DDR1: variants seen among roughly 807,000 people sequenced by gnomAD.
DDR1 encodes epithelial discoidin domain-containing receptor 1.
In DDR1, 64 loss-of-function variants were observed where a neutral mutation model predicts 97.4. The ratio of observed to expected loss-of-function variants is 0.66; its 90% CI spans 0.54 to 0.81. DDR1 has a LOEUF of 0.81. Among genes scored for constraint, DDR1 ranks in the 30% least tolerant of loss-of-function variants. The pLI is 0.00. For synonymous variants in DDR1, 458 were observed against 503.7 expected, an observed-to-expected ratio of 0.91 and a Z score of 1.21; for missense variants, 990 against 1,259.6, an observed-to-expected ratio of 0.79 and a Z score of 3.24.
rs949752277 is a variant in DDR1 at position 30,887,581 on chromosome 6, A to G, written c.-42-1107A>G. On this transcript the variant is annotated intron_variant, in intron 1 of 17. Transcript: ENST00000376568. The stretch of plus-strand genomic sequence containing the variant: ...TGCTTTTCATATTCAACAGATATAC[A>G]TGGAAATCACACAAAGTTAGGAATA... 4.6e-5 allele frequency among the ~76,000 whole-genome samples: 7 copies of G among 152,190 alleles called. No individual in the cohort carries two copies. The South Asian group carries it at 1.4e-3, about 32-fold the overall frequency.
rs1227099257 is a variant in DDR1 at position 30,888,433 on chromosome 6, T to C, written c.-42-255T>C. On this transcript the variant is annotated intron_variant, in intron 1 of 17. Transcript: ENST00000376568. The surrounding 1 kb of genome is among the most constrained non-coding windows in gnomAD (Gnocchi z 4.2). Reference sequence around the variant, plus strand: ...ACTGATCTCTGCCCTAGTTTCTTCATGTGTTAAATATGGATAGTAATAGTA... The same window carrying C: ...ACTGATCTCTGCCCTAGTTTCTTCACGTGTTAAATATGGATAGTAATAGTA... 6 of 471,388 alleles carry C rather than the reference T, an allele frequency of 1.3e-5. No individual in the cohort carries two copies. Among genetic ancestry groups the C allele is most frequent in the Non-Finnish European group, 2.2e-5 (6 of 268,672 alleles). The allele number at this position is 471,388 out of a possible 1,614,324, so 29.2% of individuals were successfully genotyped here.
chr6:30,898,116 AT>A lies in DDR1; in HGVS notation c.2261del (p.Met754SerfsTer20). The A allele has an allele frequency of 6.2e-7, 1 of 1,614,262 alleles. No homozygotes were observed. Among genetic ancestry groups the A allele is most frequent in the Non-Finnish European group, 8.5e-7 (1 of 1,180,038 alleles). ...TGTGGCAGCCCAGATCGCCTCCGGC[AT>A]GCGCTATCTGGCCACACTCAACTTT... ...LHVAAQIASGMRYLATLNFVH... is the reference protein window; with the variant it reads ...LHVAAQIASGXRYLATLNFVH... On this transcript the variant is annotated frameshift_variant, in exon 16 of 18. Transcript: ENST00000376568. LOFTEE classifies it high-confidence loss of function.
chr6:30,898,991 A>G lies in DDR1; in HGVS notation c.2555A>G (p.Gln852Arg). The G allele has an allele frequency of 6.2e-7, 1 of 1,614,168 alleles. No individual in the cohort carries two copies. The highest frequency in any genetic ancestry group is 1.1e-5 in the South Asian group (1 of 91,078). Reference sequence around the variant, plus strand: ...CCCTTTGGGCAGCTCACCGACGAGCAGGTCATCGAGAACGCGGGGGAGTTC... The same window carrying G: ...CCCTTTGGGCAGCTCACCGACGAGCGGGTCATCGAGAACGCGGGGGAGTTC... ...AQPFGQLTDE[Q>R]VIENAGEFFR... The change falls in exon 17 of 18, where the codon CAG becomes CGG. Residue 852 changes from glutamine to arginine, a missense_variant. Gln to Arg is a conservative substitution (Grantham distance 43). Transcript: ENST00000376568.
chr6:30,890,988 G>A lies in DDR1; in HGVS notation c.433G>A (p.Glu145Lys), dbSNP rs1787907890. Residue 145 changes from glutamate (E) to lysine (K), a missense_variant, in exon 5 of 18, where the codon GAG becomes AAG. Physicochemically the swap from Glu to Lys is moderately conservative, Grantham distance 56 (BLOSUM62 1). Coordinates refer to ENST00000376568, the MANE Select transcript of DDR1 (RefSeq NM_001297654.2). This position sits in a 1 kb window ranked among gnomAD's most constrained non-coding sequence, Gnocchi z 5.0. ...RWGQEVISGNEDPEGVVLKDL... is the reference protein window; with the variant it reads ...RWGQEVISGNKDPEGVVLKDL... ...TGGCCCACAGGTGATCTCAGGCAATGAGGACCCTGAGGGAGTGGTGCTGAA... is the reference window on the plus strand; with the variant it reads ...TGGCCCACAGGTGATCTCAGGCAATAAGGACCCTGAGGGAGTGGTGCTGAA... The A allele has an allele frequency of 1.2e-6, 2 of 1,607,536 alleles. No individual in the cohort carries two copies. Among genetic ancestry groups the A allele is most frequent in the Non-Finnish European group, 1.7e-6 (2 of 1,177,238 alleles).
At position 30,896,864 on chromosome 6, in the gene DDR1, A is replaced by G. The variant is rs2150428071; in HGVS notation, c.1868A>G (p.Glu623Gly). The G allele has an allele frequency of 6.4e-7, 1 of 1,569,894 alleles. No individual in the cohort carries two copies. The highest frequency in any genetic ancestry group is 8.7e-7 in the Non-Finnish European group (1 of 1,154,544). The part of the protein sequence containing the change: ...KEKLGEGQFG[E>G]VHLCEVDSPQ... ...AAGCTTGGCGAGGGCCAGTTTGGGG[A>G]GGTAAGGAGGGTGCCTACCCAGTGT... The change falls in exon 13 of 18, where the codon GAG (glutamate) becomes GGG (glycine). Residue 623 changes from glutamate (E) to glycine (G), a missense_variant and splice_region_variant. Physicochemically the swap from Glu to Gly is moderately conservative, Grantham distance 98. Coordinates refer to ENST00000376568, the MANE Select transcript of DDR1 (RefSeq NM_001297654.2).
At position 30,891,296 on chromosome 6, in the gene DDR1, G is replaced by T. The variant is rs1788093298; in HGVS notation, c.566-84G>T. The T allele has an allele frequency of 7.0e-7, 1 of 1,423,640 alleles. No homozygotes were observed. The highest frequency in any genetic ancestry group is 9.7e-7 in the Non-Finnish European group (1 of 1,027,466). The allele number at this position is 1,423,640 out of a possible 1,614,324, so 88.2% of individuals were successfully genotyped here. On this transcript the variant is annotated intron_variant, in intron 5 of 17. Transcript: ENST00000376568. This position sits in a 1 kb window ranked among gnomAD's most constrained non-coding sequence, Gnocchi z 5.3. Reference sequence around the variant, plus strand: ...GAGCCAGTGGAGAGATACAAGAAGGGACCTGAAACCTGCCCAGGCCTGATG... The same window carrying T: ...GAGCCAGTGGAGAGATACAAGAAGGTACCTGAAACCTGCCCAGGCCTGATG...
Position 30,891,224 on chromosome 6 carries a change from G to A in DDR1, c.565+104G>A, listed in dbSNP as rs181132233. On this transcript the variant is annotated intron_variant, in intron 5 of 17. Coordinates refer to ENST00000376568, the MANE Select transcript of DDR1 (RefSeq NM_001297654.2). The surrounding 1 kb of genome is among the most constrained non-coding windows in gnomAD (Gnocchi z 5.3). The stretch of plus-strand genomic sequence containing the variant: ...GGATCCCTTCTCCTGCTGGGAAGCT[G>A]TCACTCTGAGGAGGGGGCTAGCCAG... 1.4e-3 allele frequency: 2,146 copies of A among 1,533,134 alleles called. 13 individuals carry two copies. The highest frequency in any genetic ancestry group is 6.5e-3 in the Admixed American group (373 of 57,164). 95.0% of individuals were successfully genotyped at this position (1,533,134 alleles called of 1,614,324 possible).
Position 30,898,853 on chromosome 6 carries a change from C to A in DDR1, c.2452-35C>A, listed in dbSNP as rs765980017. On this transcript the variant is annotated intron_variant, in intron 16 of 17. Coordinates refer to ENST00000376568, the MANE Select transcript of DDR1 (RefSeq NM_001297654.2). ...GAGGAGGGTCTACGTTGCCTGATGT[C>A]CCTGTCTGTTTTTGCTGCCTTCTCT... is the stretch of plus-strand genomic sequence containing the variant. 2.1e-5 allele frequency: 34 copies of A among 1,588,192 alleles called. No homozygotes were observed. The South Asian group carries it at 3.4e-4, about 16-fold the overall frequency.
At position 30,889,470 on chromosome 6, in the gene DDR1, T is replaced by A; in HGVS notation, c.417+40T>A. On this transcript the variant is annotated intron_variant, in intron 4 of 17. Transcript: ENST00000376568. The surrounding 1 kb of genome is among the most constrained non-coding windows in gnomAD (Gnocchi z 4.9). ...GGCAGCACCCAGAGGAGGTTGGCTC[T>A]CCTCACTTCCAGCTGTACTTTAAAC... 2 of 1,410,442 alleles carry A rather than the reference T, an allele frequency of 1.4e-6. No individual in the cohort carries two copies. Among genetic ancestry groups the A allele is most frequent in the Non-Finnish European group, 1.9e-6 (2 of 1,064,960 alleles). The allele number at this position is 1,410,442 out of a possible 1,614,324, so 87.4% of individuals were successfully genotyped here.
Position 30,888,420 on chromosome 6 carries a change from C to T in DDR1, c.-42-268C>T. On this transcript the variant is annotated intron_variant, in intron 1 of 17. Transcript: ENST00000376568. This position sits in a 1 kb window ranked among gnomAD's most constrained non-coding sequence, Gnocchi z 4.2. Reference sequence around the variant, plus strand: ...AGGAAGTTATTTAACTGATCTCTGCCCTAGTTTCTTCATGTGTTAAATATG... The same window carrying T: ...AGGAAGTTATTTAACTGATCTCTGCTCTAGTTTCTTCATGTGTTAAATATG... The T allele has an allele frequency of 2.2e-6, 1 of 452,780 alleles. No homozygotes were observed. Among genetic ancestry groups the T allele is most frequent in the Non-Finnish European group, 3.9e-6 (1 of 257,190 alleles). 28.0% of individuals were successfully genotyped at this position (452,780 alleles called of 1,614,324 possible). A position where few individuals can be genotyped will look rare whatever the true frequency, so the allele number is the denominator to read the frequency against.
chr6:30,884,911 G>T lies in DDR1; in HGVS notation c.-43+201G>T. ...GAAAACCGGGGGCGGGGACTGGGTG[G>T]AGGTGAAGCCCGTGACCTCCCAGAA... On this transcript the variant is annotated intron_variant, in intron 1 of 17. Transcript: ENST00000376568. The surrounding 1 kb of genome is among the most constrained non-coding windows in gnomAD (Gnocchi z 6.1). The T allele has an allele frequency of 2.5e-6, 1 of 402,810 alleles. No individual in the cohort carries two copies. The highest frequency in any genetic ancestry group is 3.6e-5 in the East Asian group (1 of 27,942). The allele number at this position is 402,810 out of a possible 1,614,324, so 25.0% of individuals were successfully genotyped here.
chr6:30,896,785 G>A lies in DDR1; in HGVS notation c.1789G>A (p.Gly597Arg), dbSNP rs938158049. 8.8e-6 allele frequency: 14 copies of A among 1,581,976 alleles called. No homozygotes were observed. In the Admixed American group the frequency reaches 1.1e-4, roughly 12 times the overall value. ...GCCTGCACTGCCCCCAGGGGCAGTCGGGGATGGGCCCCCCAGAGTGGATTT... is the reference window on the plus strand; with the variant it reads ...GCCTGCACTGCCCCCAGGGGCAGTCAGGGATGGGCCCCCCAGAGTGGATTT... ...AVPALPPGAVGDGPPRVDFPR... is the reference protein window; with the variant it reads ...AVPALPPGAVRDGPPRVDFPR... The change falls in exon 13 of 18, where the codon GGG (glycine) becomes AGG (arginine). Residue 597 changes from glycine (G) to arginine (R), a missense_variant. Transcript: ENST00000376568.
Position 30,890,912 on chromosome 6 carries a change from G to A in DDR1, c.418-61G>A. ...GGGCTGGGCCAGGGAGCAGCTGGTG[G>A]GTGGGAAGTAAGATCTGACCTGGAC... On this transcript the variant is annotated intron_variant, in intron 4 of 17. Transcript: ENST00000376568. This position sits in a 1 kb window ranked among gnomAD's most constrained non-coding sequence, Gnocchi z 5.0. 1 of 1,518,970 alleles carries A rather than the reference G, an allele frequency of 6.6e-7. No individual in the cohort carries two copies. 94.1% of individuals were successfully genotyped at this position (1,518,970 alleles called of 1,614,324 possible).
rs1791674865 is a variant in DDR1 at position 30,898,267 on chromosome 6, T to C, written c.2411T>C (p.Val804Ala). 6.2e-7 allele frequency: 1 copy of C among 1,614,052 alleles called. No individual in the cohort carries two copies. Among genetic ancestry groups the C allele is most frequent in the African/African-American group, 1.3e-5 (1 of 74,952 alleles). Residue 804 changes from valine to alanine, a missense_variant, in exon 16 of 18, where the codon GTG becomes GCG. Coordinates refer to ENST00000376568, the MANE Select transcript of DDR1 (RefSeq NM_001297654.2). Reference protein sequence around the residue: ...GDYYRVQGRAVLPIRWMAWEC... With the variant: ...GDYYRVQGRAALPIRWMAWEC... Reference sequence around the variant, plus strand: ...TATTACCGTGTGCAGGGCCGGGCAGTGCTGCCCATCCGCTGGATGGCCTGG... The same window carrying C: ...TATTACCGTGTGCAGGGCCGGGCAGCGCTGCCCATCCGCTGGATGGCCTGG...
In DDR1 at chr6:30,896,748, C is replaced by T. The variant is rs908834491; in HGVS notation, c.1752C>T (p.Asn584=). The change falls in exon 13 of 18, where the codon AAC becomes AAT. Residue 584 remains asparagine (N), a synonymous_variant. Coordinates refer to ENST00000376568, the MANE Select transcript of DDR1 (RefSeq NM_001297654.2). ...CCCTGCAGGGCGTCACCGGGGGCAA[C>T]ACCTATGCTGTGCCTGCACTGCCCC... ...IVTLQGVTGG[N]TYAVPALPPG... is the part of the protein sequence containing the mutation. The T allele has an allele frequency of 6.9e-6, 11 of 1,594,814 alleles. No homozygotes were observed. Among genetic ancestry groups the T allele is most frequent in the Non-Finnish European group, 9.4e-6 (11 of 1,169,828 alleles).
chr6:30,892,931 C>T (rs1789111146), intron 8 of DDR1, 137 bp from the exon 9 acceptor site: 2 of 766,744 alleles, frequency 2.6e-6, no homozygotes, highest in Admixed American at 2.7e-5. Context: ...CCTGCTCCCC[C>T]AGCCCCCACT....
rs1791313916 is a variant in DDR1, at chr6:30,897,418, C to T, written c.2037C>T (p.Leu679=). 1.9e-6 allele frequency: 3 copies of T among 1,614,106 alleles called. No individual in the cohort carries two copies. The highest frequency in any genetic ancestry group is 1.7e-5 in the Admixed American group (1 of 60,018). The part of the protein sequence containing the change: ...FLKEVKIMSR[L]KDPNIIRLLG... ...AAGAGGTGAAGATCATGTCGAGGCT[C>T]AAGGACCCAAACATCATTCGGCTGC... The change falls in exon 15 of 18, where the codon CTC becomes CTT. Residue 679 remains leucine, a synonymous_variant. Coordinates refer to ENST00000376568, the MANE Select transcript of DDR1 (RefSeq NM_001297654.2). The surrounding 1 kb of genome is among the most constrained non-coding windows in gnomAD (Gnocchi z 5.2).
upstream of DDR1, chr6:30,884,319 G>T (rs1457532082): frequency 6.6e-6 from 1 of 151,390 alleles, no homozygotes; most frequent in South Asian, 1.8e-4. The surrounding 1 kb of genome is among the most constrained non-coding windows in gnomAD (Gnocchi z 6.1). Context: ...GGTGGGCGTG[G>T]CGGGCGCGGG....
In DDR1 at chr6:30,898,239, G is replaced by T; in HGVS notation, c.2383G>T (p.Asp795Tyr). 6.2e-7 allele frequency: 1 copy of T among 1,614,248 alleles called. No homozygotes were observed. Among genetic ancestry groups the T allele is most frequent in the Non-Finnish European group, 8.5e-7 (1 of 1,180,046 alleles). Residue 795 changes from aspartate (D) to tyrosine (Y), a missense_variant, in exon 16 of 18, where the codon GAC (aspartate) becomes TAC (tyrosine). Coordinates refer to ENST00000376568, the MANE Select transcript of DDR1 (RefSeq NM_001297654.2). ...CATGAGCCGGAACCTCTATGCTGGGGACTATTACCGTGTGCAGGGCCGGGC... is the reference window on the plus strand; with the variant it reads ...CATGAGCCGGAACCTCTATGCTGGGTACTATTACCGTGTGCAGGGCCGGGC... ...FGMSRNLYAGDYYRVQGRAVL... is the reference protein window; with the variant it reads ...FGMSRNLYAGYYYRVQGRAVL...
Sources: gnomAD v4.1 joint callset for allele counts (sites outside exome capture counted in the v4.1 genomes callset) on GRCh38, gnomAD v4.1.1 for gene constraint, Gnocchi (gnomAD v3.1) non-coding constraint, MANE v1.5 for transcripts, NCBI Gene and HGNC (gene_info 2026-07-23, HGNC 2026-07-21) for gene names.